The following C6orf132 variants were observed in gnomAD, a reference collection of about 807,000 sequenced individuals.
The protein encoded by C6orf132 is chromosome 6 open reading frame 132.
C6orf132 carries 43 observed loss-of-function variants against 65.3 expected under a neutral mutation model. That is an observed-to-expected ratio of 0.66 (90% CI 0.52 to 0.85). The LOEUF is 0.85. C6orf132 is among the 40% of genes least tolerant of loss of function. C6orf132 has a pLI of 0.00. For synonymous variants in C6orf132, 631 were observed against 654.1 expected (o/e 0.96, Z 0.54); for missense variants, 1,488 against 1,548.8 (o/e 0.96, Z 0.66).
chr6:42,106,269 A>C lies in C6orf132; in HGVS notation c.1643T>G (p.Leu548Arg). Residue 548 changes from leucine to arginine, a missense_variant, in exon 4 of 5, where the codon CTG becomes CGG. Transcript: ENST00000341865. ...TETEAAPSLT[L>R]PSVDYIPQDS... ...TTGGGGAATGTAGTCCACAGAGGGCAGGGTCAGGCTGGGGGCAGCCTCTGT... is the reference window on the plus strand; with the variant it reads ...TTGGGGAATGTAGTCCACAGAGGGCCGGGTCAGGCTGGGGGCAGCCTCTGT... The C allele has an allele frequency of 1.3e-6, 2 of 1,537,060 alleles. No homozygotes were observed. The highest frequency in any genetic ancestry group is 1.7e-6 in the Non-Finnish European group (2 of 1,146,896).
intron 2 of C6orf132, among the ~76,000 whole-genome samples, chr6:42,117,923 CAA>C (rs556142891): frequency 0.14 from 8,370 of 61,744 alleles, 49 homozygotes; most frequent in Non-Finnish European, 0.15. Context: ...AACCCTGTCA[CAA>C]AAAAAAAAAA....
intron 2 of C6orf132, among the ~76,000 whole-genome samples, chr6:42,121,313 A>T (rs1415057950): frequency 6.6e-6 from 1 of 152,240 alleles, no homozygotes; most frequent in Non-Finnish European, 1.5e-5. Context: ...GGGACAGGTC[A>T]CCAGGAATCC....
chr6:42,110,722 C>T (rs1766481884), intron 2 of C6orf132, among the ~76,000 whole-genome samples: 1 of 152,180 alleles, frequency 6.6e-6, no homozygotes, highest in South Asian at 2.1e-4. Context: ...CACTATAACA[C>T]ATGACACTAA....
Position 42,107,371 on chromosome 6 carries a change from GGGGTTCCAGCAGCAGGGGAGGT to G in C6orf132, c.519_540del (p.Pro174HisfsTer44). The G allele has an allele frequency of 4.6e-6, 4 of 872,208 alleles. No individual in the cohort carries two copies. Among genetic ancestry groups the G allele is most frequent in the Non-Finnish European group, 6.9e-6 (4 of 578,606 alleles). The allele number at this position is 872,208 out of a possible 1,614,324, so 54.0% of individuals were successfully genotyped here. A position where few individuals can be genotyped will look rare whatever the true frequency, so the allele number is the denominator to read the frequency against. On this transcript the variant is annotated frameshift_variant, in exon 4 of 5. Coordinates refer to ENST00000341865, the MANE Select transcript of C6orf132 (RefSeq NM_001164446.3). LOFTEE classifies it high-confidence loss of function. ...GGTGGGGCCATGCTGGGCGGGGGTG[GGGGTTCCAGCAGCAGGGGAGGT>G]GGTGGGGGTGCTGTGGAAGGTGGAG...
intron 2 of C6orf132, among the ~76,000 whole-genome samples, chr6:42,123,939 C>T (rs137858796): frequency 2.6e-5 from 4 of 152,188 alleles, no homozygotes; most frequent in African/African-American, 7.2e-5. Flanking sequence ...TTTCCAGAGG[C>T]GGAAGCAGAG....
chr6:42,136,213 A>G (rs1040895339), intron 1 of C6orf132, among the ~76,000 whole-genome samples: 1 of 151,184 alleles, frequency 6.6e-6, no homozygotes, highest in South Asian at 2.1e-4. Context: ...AAATGGGCCT[A>G]GGAATCATAT....
At chr6:42,115,704 A>G (rs1056955152) in intron 2 of C6orf132, among the ~76,000 whole-genome samples, 4 of 152,158 alleles carry the variant, frequency 2.6e-5, no homozygotes, top group South Asian at 2.1e-4. Flanking sequence ...TATCTTATGT[A>G]TATCTTATAA....
At chr6:42,128,089 A>ATTTT (rs36071882) in intron 2 of C6orf132, among the ~76,000 whole-genome samples, 21 of 145,632 alleles carry the variant, frequency 1.4e-4, no homozygotes, top group Admixed American at 7.6e-4. Flanking sequence ...TACACCGGCT[A>ATTTT]TTTTTTTTTT....
chr6:42,121,182 T>G (rs1766677751), intron 2 of C6orf132, among the ~76,000 whole-genome samples: 1 of 152,196 alleles, frequency 6.6e-6, no homozygotes, highest in South Asian at 2.1e-4. Context: ...TGCAGAGTAG[T>G]GCTCAAGAAA....
rs1766384403 is a variant in C6orf132, at chr6:42,105,485, C to T, written c.2427G>A (p.Leu809=). 1.3e-6 allele frequency: 2 copies of T among 1,533,218 alleles called. No individual in the cohort carries two copies. Among genetic ancestry groups the T allele is most frequent in the East Asian group, 2.4e-5 (1 of 40,834 alleles). The allele number at this position is 1,533,218 out of a possible 1,614,324, so 95.0% of individuals were successfully genotyped here. A position where few individuals can be genotyped will look rare whatever the true frequency, so the allele number is the denominator to read the frequency against. The change falls in exon 4 of 5, where the codon CTG becomes CTA. Residue 809 remains leucine (L), a synonymous_variant. Coordinates refer to ENST00000341865, the MANE Select transcript of C6orf132 (RefSeq NM_001164446.3). Reference sequence around the variant, plus strand: ...GGGCCGAGGCAGGAGGCTTGGCTGGCAGCCCTGGGGGCTCCTTCACCTCCA... The same window carrying T: ...GGGCCGAGGCAGGAGGCTTGGCTGGTAGCCCTGGGGGCTCCTTCACCTCCA... ...EPVEVKEPPG[L]PAKPPASAQP...
intron 2 of C6orf132, among the ~76,000 whole-genome samples, chr6:42,123,697 C>A (rs1202994091): frequency 1.3e-5 from 2 of 152,172 alleles, no homozygotes. Context: ...CCTCACTCAG[C>A]CAGGCCTCCG....
rs1013640317 is a variant in C6orf132 at position 42,103,658 on chromosome 6, G to T, written c.*103C>A. The T allele has an allele frequency of 3.2e-6, 2 of 625,120 alleles. No individual in the cohort carries two copies. Among genetic ancestry groups the T allele is most frequent in the Non-Finnish European group, 4.8e-6 (2 of 420,078 alleles). The allele number at this position is 625,120 out of a possible 1,614,324, so 38.7% of individuals were successfully genotyped here. A position where few individuals can be genotyped will look rare whatever the true frequency, so the allele number is the denominator to read the frequency against. On this transcript the variant is annotated 3_prime_UTR_variant, in exon 5 of 5. Coordinates refer to ENST00000341865, the MANE Select transcript of C6orf132 (RefSeq NM_001164446.3). ...CAAAGACTCCTCTGTGTCTGAGTCAGGTCGCCCAACACCTGCTGTGTACCT... is the reference window on the plus strand; with the variant it reads ...CAAAGACTCCTCTGTGTCTGAGTCATGTCGCCCAACACCTGCTGTGTACCT...
At chr6:42,115,517 G>T (rs891968785) in intron 2 of C6orf132, among the ~76,000 whole-genome samples, 1 of 151,474 alleles carries the variant, frequency 6.6e-6, no homozygotes, top group Non-Finnish European at 1.5e-5. Context: ...ATGGTGGCAG[G>T]CGCCTGTAGT....
chr6:42,141,933 G>A (rs141320570), intron 1 of C6orf132, among the ~76,000 whole-genome samples: 170 of 152,234 alleles, frequency 1.1e-3, no homozygotes, highest in Non-Finnish European at 1.9e-3. Context: ...TGTAGCGGTG[G>A]GGGTCGGGGG....
chr6:42,119,275 A>AAAAAAAAG (rs1562037439), intron 2 of C6orf132, among the ~76,000 whole-genome samples: 3 of 128,142 alleles, frequency 2.3e-5, no homozygotes, highest in African/African-American at 8.6e-5. Flanking sequence ...AAAAAAAAAA[A>AAAAAAAAG]GGGAGAATTC....
chr6:42,138,885 G>A (rs1381115448), intron 1 of C6orf132, among the ~76,000 whole-genome samples: 4 of 38,622 alleles, frequency 1.0e-4, no homozygotes, highest in South Asian at 1.4e-3. Flanking sequence ...ACACACACTC[G>A]TGTGGCCTTG....
Position 42,107,370 on chromosome 6 carries a change from G to T in C6orf132, c.542C>A (p.Pro181Gln), listed in dbSNP as rs1332622084. Residue 181 changes from proline (P) to glutamine (Q), a missense_variant, in exon 4 of 5, where the codon CCA becomes CAA. Transcript: ENST00000341865. The part of the protein sequence containing the change: ...PPPPPLLLEP[P>Q]PPPSMAPPPP... The stretch of plus-strand genomic sequence containing the variant: ...AGGTGGGGCCATGCTGGGCGGGGGT[G>T]GGGGTTCCAGCAGCAGGGGAGGTGG... 1 of 865,618 alleles carries T rather than the reference G, an allele frequency of 1.2e-6. No homozygotes were observed. The highest frequency in any genetic ancestry group is 1.7e-6 in the Non-Finnish European group (1 of 572,512). The allele number at this position is 865,618 out of a possible 1,614,324, so 53.6% of individuals were successfully genotyped here. A position where few individuals can be genotyped will look rare whatever the true frequency, so the allele number is the denominator to read the frequency against.
Position 42,124,188 on chromosome 6 carries a change from G to A in C6orf132, c.252+4484C>T, listed in dbSNP as rs1373634295. Among the ~76,000 whole-genome samples the A allele has an allele frequency of 6.6e-6, 1 of 152,252 alleles. No individual in the cohort carries two copies. Among genetic ancestry groups the A allele is most frequent in the African/African-American group, 2.4e-5 (1 of 41,476 alleles). On this transcript the variant is annotated intron_variant, in intron 2 of 4. Transcript: ENST00000341865. The surrounding 1 kb of genome is among the most constrained non-coding windows in gnomAD (Gnocchi z 4.0). ...TCCCAGCAGCAGAGCTGGGACTGGT[G>A]TCAGCTGCTGGAGTATTAGCCCCTG...
intron 2 of C6orf132, among the ~76,000 whole-genome samples, chr6:42,120,865 C>A (rs948611425): frequency 6.6e-6 from 1 of 152,132 alleles, no homozygotes; most frequent in Admixed American, 6.6e-5. Context: ...TTGTGATCCT[C>A]CCACCTCGGG....
Sources: allele counts gnomAD v4.1 joint callset (sites outside exome capture counted in the v4.1 genomes callset), GRCh38; gene constraint gnomAD v4.1.1; non-coding constraint Gnocchi (gnomAD v3.1); transcripts MANE v1.5; gene names NCBI Gene and HGNC (gene_info 2026-07-23, HGNC 2026-07-21).